Variants in PDE4B observed in about 807,000 individuals in gnomAD.
PDE4B encodes phosphodiesterase 4B, also known as 3',5'-cyclic-AMP phosphodiesterase 4B.
A neutral mutation model predicts 82.2 loss-of-function variants in PDE4B; 20 were observed. The ratio of observed to expected loss-of-function variants is 0.24; its 90% CI spans 0.17 to 0.35. PDE4B has a LOEUF of 0.35. PDE4B is among the 10% of genes least tolerant of loss of function. The pLI, the probability that PDE4B is intolerant of heterozygous loss-of-function variation, is 1.00. For synonymous variants in PDE4B, 320 were observed against 318.9 expected (o/e 1.00, Z -0.04); for missense variants, 655 against 907.2 (o/e 0.72, Z 3.57).
intron 3 of PDE4B, among the ~76,000 whole-genome samples, chr1:66,181,024 A>G (rs779070036): frequency 5.3e-5 from 8 of 152,204 alleles, no homozygotes; most frequent in Non-Finnish European, 1.0e-4. Context: ...TGTCTCTACT[A>G]AGAGATGAAG....
At chr1:65,981,709 G>A (rs558341146) in intron 3 of PDE4B, among the ~76,000 whole-genome samples, 8 of 152,192 alleles carry the variant, frequency 5.3e-5, no homozygotes, top group African/African-American at 1.7e-4. Flanking sequence ...ACAGTTCAAA[G>A]GGGGTATTAT....
chr1:66,081,497 A>G (rs1276955040), intron 3 of PDE4B, among the ~76,000 whole-genome samples: 1 of 152,166 alleles, frequency 6.6e-6, no homozygotes, highest in Non-Finnish European at 1.5e-5. Flanking sequence ...AATCTCATTG[A>G]AATATATATT....
chr1:66,154,749 T>A (rs896653275), intron 3 of PDE4B, among the ~76,000 whole-genome samples: 14 of 152,224 alleles, frequency 9.2e-5, no homozygotes, highest in Non-Finnish European at 1.8e-4. Flanking sequence ...CCTCTTCTCA[T>A]GCCTGTCTCT....
rs150519100 is a variant in PDE4B, at chr1:66,342,486, G to A, written c.747+9866G>A. On this transcript the variant is annotated intron_variant, in intron 8 of 16. Transcript: ENST00000341517. ...GCACTTTGGGAAGCCAAGGTGGGCG[G>A]ATTACTTGATGTCAGGAGTTTGAGA... Among the ~76,000 whole-genome samples, 509 of 146,876 alleles carry A rather than the reference G, an allele frequency of 3.5e-3. 1 individual carries two copies. Among genetic ancestry groups the A allele is most frequent in the Non-Finnish European group, 5.3e-3 (351 of 66,550 alleles).
intron 1 of PDE4B, among the ~76,000 whole-genome samples, chr1:65,825,904 G>A (rs1646012025): frequency 6.6e-6 from 1 of 151,682 alleles, no homozygotes; most frequent in South Asian, 2.1e-4. Flanking sequence ...TCTGGTACTG[G>A]CTGTGAATAC....
intron 1 of PDE4B, among the ~76,000 whole-genome samples, chr1:65,854,991 A>G (rs1287496501): frequency 2.0e-5 from 3 of 151,722 alleles, no homozygotes; most frequent in Admixed American, 2.0e-4. Context: ...TGCTCTTAAT[A>G]TCATCCAAAG....
intron 4 of PDE4B, among the ~76,000 whole-genome samples, chr1:66,256,414 G>C (rs1381382866): frequency 2.0e-5 from 3 of 152,116 alleles, no homozygotes; most frequent in African/African-American, 7.2e-5. Context: ...CATGTAAACT[G>C]CTTACCACAA....
chr1:66,179,040 C>T (rs572670385), intron 3 of PDE4B, among the ~76,000 whole-genome samples: 6 of 152,044 alleles, frequency 3.9e-5, no homozygotes, highest in Non-Finnish European at 5.9e-5. Context: ...TTAGTAGAGA[C>T]GAGGTTTCAC....
chr1:66,098,537 G>T (rs1209095380), intron 3 of PDE4B, among the ~76,000 whole-genome samples: 2 of 152,110 alleles, frequency 1.3e-5, no homozygotes, highest in African/African-American at 2.4e-5. Flanking sequence ...AGCCTGCAAA[G>T]GTTACATATG....
chr1:66,013,615 T>C (rs1264101415), intron 3 of PDE4B, among the ~76,000 whole-genome samples: 1 of 152,100 alleles, frequency 6.6e-6, no homozygotes, highest in Non-Finnish European at 1.5e-5. Flanking sequence ...TAAAAGTCTA[T>C]ACCACTTAAG....
chr1:66,333,444 A>G (rs1660272824), intron 8 of PDE4B, among the ~76,000 whole-genome samples: 1 of 139,810 alleles, frequency 7.2e-6, no homozygotes, highest in Non-Finnish European at 1.5e-5. Context: ...CTATAAAGTT[A>G]TACAAAGTTA....
intron 1 of PDE4B, among the ~76,000 whole-genome samples, chr1:65,826,764 T>A (rs890148146): frequency 6.6e-6 from 1 of 152,190 alleles, no homozygotes; most frequent in Admixed American, 6.5e-5. Flanking sequence ...CCAGCAATAC[T>A]TCCGGAGGAG....
At chr1:65,871,729 C>T (rs1333839723) in intron 1 of PDE4B, among the ~76,000 whole-genome samples, 1 of 152,214 alleles carries the variant, frequency 6.6e-6, no homozygotes, top group African/African-American at 2.4e-5. Flanking sequence ...CCTTCTGCCT[C>T]TTTCATTGTG....
At chr1:66,128,638 G>C (rs1202937946) in intron 3 of PDE4B, among the ~76,000 whole-genome samples, 1 of 152,136 alleles carries the variant, frequency 6.6e-6, no homozygotes, top group Non-Finnish European at 1.5e-5. Flanking sequence ...TAATAGTCTG[G>C]CTTTGCATAT....
chr1:66,333,597 G>T (rs1014072802), intron 8 of PDE4B, among the ~76,000 whole-genome samples: 1 of 152,172 alleles, frequency 6.6e-6, no homozygotes, highest in Non-Finnish European at 1.5e-5. Flanking sequence ...GGGCTGAGAA[G>T]ATATTTTGCT....
intron 3 of PDE4B, among the ~76,000 whole-genome samples, chr1:66,203,151 T>C (rs1649173264): frequency 6.6e-6 from 1 of 151,948 alleles, no homozygotes; most frequent in Non-Finnish European, 1.5e-5. Flanking sequence ...AAAATTCTTT[T>C]CTTTAAGAAT....
chr1:65,927,140 A>G (rs1647545014), intron 3 of PDE4B, among the ~76,000 whole-genome samples: 1 of 118,768 alleles, frequency 8.4e-6, no homozygotes, highest in South Asian at 2.5e-4. Flanking sequence ...AAGAAGAAAA[A>G]TGATATAGGG....
At chr1:66,231,370 GAT>G (rs1651935029) in intron 3 of PDE4B, among the ~76,000 whole-genome samples, 1 of 152,190 alleles carries the variant, frequency 6.6e-6, no homozygotes, top group African/African-American at 2.4e-5. Context: ...TACTCAAACT[GAT>G]GTTTTGATTC....
chr1:66,265,627 A>G (rs151028298), intron 6 of PDE4B, among the ~76,000 whole-genome samples: 147 of 152,268 alleles, frequency 9.7e-4, no homozygotes, highest in African/African-American at 3.4e-3. Flanking sequence ...GAAGTGATTG[A>G]TCGCCAAGGG....
Sources: gnomAD v4.1 joint callset for allele counts (sites outside exome capture counted in the v4.1 genomes callset) on GRCh38, gnomAD v4.1.1 for gene constraint, MANE v1.5 for transcripts, NCBI Gene and HGNC (gene_info 2026-07-23, HGNC 2026-07-21) for gene names.